PIKFYVE: variants seen among roughly 807,000 people sequenced by gnomAD.
PIKFYVE encodes phosphoinositide kinase, FYVE-type zinc finger containing.
Under a neutral mutation model 257.9 loss-of-function variants are expected in PIKFYVE, and 122 were observed. That is an observed-to-expected ratio of 0.47 (90% CI 0.41 to 0.55). The LOEUF is 0.55. Among genes scored for constraint, PIKFYVE ranks in the 20% least tolerant of loss-of-function variants. The pLI is 0.00. For synonymous variants in PIKFYVE, 892 were observed against 868.9 expected (o/e 1.03, Z -0.47); for missense variants, 2,160 against 2,536.6 (o/e 0.85, Z 3.19).
intron 34 of PIKFYVE, 90 bp downstream of exon 34, chr2:208,346,237 T>A (rs573210234): frequency 9.6e-7 from 1 of 1,043,610 alleles, no homozygotes; most frequent in South Asian, 1.3e-5. Context: ...ATAAGTACTA[T>A]CTGGCAATGA....
At chr2:208,317,253 C>G (rs11898653) in intron 15 of PIKFYVE, among the ~76,000 whole-genome samples, 22,009 of 151,546 alleles carry the variant, frequency 0.15, 1,724 homozygotes, top group African/African-American at 0.19. Flanking sequence ...GGGCTAATAT[C>G]CACAATCTAC....
intron 33 of PIKFYVE, among the ~76,000 whole-genome samples, chr2:208,345,566 A>C (rs1677586190): frequency 6.6e-6 from 1 of 152,180 alleles, no homozygotes; most frequent in African/African-American, 2.4e-5. Context: ...AAAGGTCCTA[A>C]TACTTCAAAA....
At chr2:208,328,101 T>C (rs778229046) in intron 20 of PIKFYVE, 79 bp from the exon 21 acceptor site, 100 of 1,607,678 alleles carry the variant, frequency 6.2e-5, no homozygotes, top group Non-Finnish European at 8.0e-5. Context: ...GCTTTACAAA[T>C]AGAGTGGAGT....
chr2:208,315,377 A>C lies in PIKFYVE; in HGVS notation c.2007+4A>C, dbSNP rs769901985. 4 of 1,613,962 alleles carry C rather than the reference A, an allele frequency of 2.5e-6. No individual in the cohort carries two copies. In the South Asian group the frequency reaches 4.4e-5, roughly 18 times the overall value. On this transcript the variant is annotated splice_donor_region_variant and intron_variant, in intron 15 of 41. Coordinates refer to ENST00000264380, the MANE Select transcript of PIKFYVE (RefSeq NM_015040.4). ...TCAGTTTGTCCACATCAAAAAAGTG[A>C]GCTCTGCTAATGTTTTACTAATGCT...
chr2:208,324,537 T>C (rs1222051804), intron 18 of PIKFYVE, among the ~76,000 whole-genome samples: 1 of 152,098 alleles, frequency 6.6e-6, no homozygotes, highest in Non-Finnish European at 1.5e-5. Context: ...AATCACTAGG[T>C]ATTTGTTGAT....
At chr2:208,282,681 AAT>A (rs1690974117) in intron 5 of PIKFYVE, among the ~76,000 whole-genome samples, 1 of 152,232 alleles carries the variant, frequency 6.6e-6, no homozygotes, top group Non-Finnish European at 1.5e-5. Flanking sequence ...ATCCAAAAAA[AAT>A]AACCTTCACA....
rs1201387903 is a variant in PIKFYVE at position 208,342,623 on chromosome 2, C to T, written c.5001C>T (p.Pro1667=). The change falls in exon 32 of 42, where the codon CCC becomes CCT. Residue 1667 remains proline (P), a synonymous_variant. Coordinates refer to ENST00000264380, the MANE Select transcript of PIKFYVE (RefSeq NM_015040.4). ...CCATTGCAGTCTGCGAGAAGGAACC[C>T]AGCTCCATCATTGCTTTTGCTCTCA... ...RVPIAVCEKE[P]SSIIAFALSC... 3 of 1,612,886 alleles carry T rather than the reference C, an allele frequency of 1.9e-6. No individual in the cohort carries two copies. In the Admixed American group the frequency reaches 5.0e-5, roughly 27 times the overall value.
At chr2:208,269,716 TC>T in intron 1 of PIKFYVE, 2 of 248,974 alleles carry the variant, frequency 8.0e-6, no homozygotes. Context: ...GATCTTGCCA[TC>T]CCCCACTCAG....
chr2:208,321,014 T>G (rs1696144641), intron 17 of PIKFYVE, among the ~76,000 whole-genome samples: 1 of 152,210 alleles, frequency 6.6e-6, no homozygotes. Context: ...TGCAATAGTT[T>G]TTGTGCATTT....
At chr2:208,300,788 T>C in intron 8 of PIKFYVE, 149 bp from the exon 9 acceptor site, 1 of 939,176 alleles carries the variant, frequency 1.1e-6, no homozygotes. Context: ...CCCACGTATA[T>C]GACATTTGTA....
chr2:208,351,530 ATTC>A, intron 38 of PIKFYVE, 75 bp downstream of exon 38: 1 of 1,193,616 alleles, frequency 8.4e-7, no homozygotes, highest in Non-Finnish European at 1.2e-6. Flanking sequence ...CTGTTAGTCT[ATTC>A]TTGTGTTGCT....
chr2:208,309,825 G>A (rs1443492941), intron 12 of PIKFYVE, among the ~76,000 whole-genome samples: 1 of 152,082 alleles, frequency 6.6e-6, no homozygotes, highest in South Asian at 2.1e-4. Flanking sequence ...TAGACTTGGG[G>A]ACTTCTAAGT....
At chr2:208,348,178 A>G (rs1559172011) in intron 35 of PIKFYVE, among the ~76,000 whole-genome samples, 155 bp downstream of exon 35, 1 of 152,230 alleles carries the variant, frequency 6.6e-6, no homozygotes, top group Non-Finnish European at 1.5e-5. Context: ...TGGAAAAAGC[A>G]TGGCACTGGG....
Position 208,277,554 on chromosome 2 carries a change from A to G in PIKFYVE, c.459A>G (p.Gln153=), listed in dbSNP as rs138176256. 141 of 1,613,744 alleles carry G rather than the reference A, an allele frequency of 8.7e-5. No individual in the cohort carries two copies. Among genetic ancestry groups the G allele is most frequent in the Middle Eastern group, 4.9e-4 (3 of 6,084 alleles). Residue 153 remains glutamine, a synonymous_variant, in exon 5 of 42, where the codon CAA becomes CAG. Transcript: ENST00000264380. ...EGKSQDSDLK[Q]YWMPDSQCKE... Reference sequence around the variant, plus strand: ...TGTTATAGGATAGTGACCTGAAACAATACTGGATGCCAGATAGCCAATGTA... The same window carrying G: ...TGTTATAGGATAGTGACCTGAAACAGTACTGGATGCCAGATAGCCAATGTA...
chr2:208,348,520 G>C (rs192891403), intron 35 of PIKFYVE, among the ~76,000 whole-genome samples: 1 of 151,608 alleles, frequency 6.6e-6, no homozygotes, highest in East Asian at 1.9e-4. Flanking sequence ...AGGCTGAGAC[G>C]GCAGGATCAC....
intron 5 of PIKFYVE, among the ~76,000 whole-genome samples, chr2:208,280,276 G>A (rs1690638913): frequency 6.6e-6 from 1 of 152,152 alleles, no homozygotes; most frequent in African/African-American, 2.4e-5. Context: ...ATACAGATCA[G>A]GGAACAAATA....
chr2:208,314,286 G>A lies in PIKFYVE; in HGVS notation c.1697-8G>A. ...AAGTAATAACTTCTTATTTTATATT[G>A]TACTTAGAATCCTTATTTAATCGCC... On this transcript the variant is annotated splice_region_variant and splice_polypyrimidine_tract_variant and intron_variant, in intron 13 of 41. Coordinates refer to ENST00000264380, the MANE Select transcript of PIKFYVE (RefSeq NM_015040.4). 1 of 1,610,388 alleles carries A rather than the reference G, an allele frequency of 6.2e-7. No individual in the cohort carries two copies. The highest frequency in any genetic ancestry group is 1.7e-5 in the Admixed American group (1 of 59,992).
At chr2:208,354,929 T>G (rs1277638580) in intron 41 of PIKFYVE, among the ~76,000 whole-genome samples, 1 of 152,248 alleles carries the variant, frequency 6.6e-6, no homozygotes, top group African/African-American at 2.4e-5. Flanking sequence ...TTCCAAGTTC[T>G]CTAAGCACTG....
intron 35 of PIKFYVE, among the ~76,000 whole-genome samples, chr2:208,349,119 C>T (rs904484296): frequency 1.2e-4 from 19 of 152,176 alleles, no homozygotes; most frequent in Middle Eastern, 3.4e-3. Flanking sequence ...GCCGAGATTG[C>T]GCCATTGCAC....
Sources: gnomAD v4.1 joint callset for allele counts (sites outside exome capture counted in the v4.1 genomes callset) on GRCh38, gnomAD v4.1.1 for gene constraint, MANE v1.5 for transcripts, NCBI Gene and HGNC (gene_info 2026-07-23, HGNC 2026-07-21) for gene names.